The following PDE1C variants were observed in gnomAD, a reference collection of about 807,000 sequenced individuals.
PDE1C encodes phosphodiesterase 1C.
PDE1C carries 62 observed loss-of-function variants against 93.1 expected under a neutral mutation model. That is an observed-to-expected ratio of 0.67 (90% CI 0.54 to 0.82). PDE1C has a LOEUF of 0.82. Among genes scored for constraint, PDE1C ranks in the 40% least tolerant of loss-of-function variants. PDE1C has a pLI of 0.00. For synonymous variants in PDE1C, 325 were observed against 310.1 expected (o/e 1.05, Z -0.50); for missense variants, 742 against 884.6 (o/e 0.84, Z 2.04).
intron 2 of PDE1C, among the ~76,000 whole-genome samples, chr7:31,898,760 T>C (rs1409916496): frequency 6.6e-6 from 1 of 152,220 alleles, no homozygotes. Flanking sequence ...AACGTGAGCG[T>C]GGCTACCTCT....
At chr7:32,248,949 G>A (rs1397178664) in intron 1 of PDE1C, among the ~76,000 whole-genome samples, 1 of 152,136 alleles carries the variant, frequency 6.6e-6, no homozygotes, top group Non-Finnish European at 1.5e-5. Flanking sequence ...GAAGAGAAGT[G>A]TCCATAGTCT....
chr7:32,373,519 T>C (rs1164160477), intron 1 of PDE1C, among the ~76,000 whole-genome samples: 1 of 152,260 alleles, frequency 6.6e-6, no homozygotes, highest in Admixed American at 6.5e-5. Context: ...GATTTCTTTC[T>C]ATCATGACAA....
chr7:31,630,258 A>AC, the PDE1C span, among the ~76,000 whole-genome samples: 1 of 151,608 alleles, frequency 6.6e-6, no homozygotes, highest in Non-Finnish European at 1.5e-5. Flanking sequence ...AAAAAAAAAA[A>AC]AAAACATTGA....
chr7:32,262,040 A>C (rs973241107), intron 1 of PDE1C, among the ~76,000 whole-genome samples: 2 of 130,138 alleles, frequency 1.5e-5, no homozygotes, highest in Non-Finnish European at 3.1e-5. Flanking sequence ...TTAATGTGAC[A>C]TCTAGTGGCT....
chr7:32,178,981 G>C (rs1217451557), intron 2 of PDE1C, among the ~76,000 whole-genome samples: 1 of 152,170 alleles, frequency 6.6e-6, no homozygotes, highest in Non-Finnish European at 1.5e-5. Flanking sequence ...TTCAAAGTAA[G>C]TATTATGGAA....
chr7:32,328,184 T>G (rs1783442172), intron 1 of PDE1C, among the ~76,000 whole-genome samples: 1 of 152,226 alleles, frequency 6.6e-6, no homozygotes, highest in Non-Finnish European at 1.5e-5. Context: ...AGTAGTTCTA[T>G]TGTTCACATC....
chr7:32,285,659 G>C (rs1811948448), intron 1 of PDE1C, among the ~76,000 whole-genome samples: 1 of 151,116 alleles, frequency 6.6e-6, no homozygotes, highest in South Asian at 2.1e-4. Flanking sequence ...GAAAAGAAAG[G>C]GAGAAAAGGA....
intron 2 of PDE1C, among the ~76,000 whole-genome samples, chr7:31,987,945 C>G (rs1011718356): frequency 3.3e-5 from 5 of 152,186 alleles, no homozygotes; most frequent in Admixed American, 3.3e-4. Context: ...TGTGGATGGG[C>G]CATCGCTGGC....
At chr7:32,153,962 A>T (rs554334669) in intron 3 of PDE1C, among the ~76,000 whole-genome samples, 60 of 151,936 alleles carry the variant, frequency 3.9e-4, no homozygotes, top group East Asian at 2.3e-3. Context: ...TATAATTTTT[A>T]AAAAAGTACG....
chr7:32,236,579 A>C (rs1017564332), intron 1 of PDE1C, among the ~76,000 whole-genome samples: 3 of 152,186 alleles, frequency 2.0e-5, no homozygotes, highest in Non-Finnish European at 4.4e-5. Context: ...TATTAAGGAA[A>C]TGCCAATTAA....
intron 1 of PDE1C, among the ~76,000 whole-genome samples, chr7:32,416,186 A>G (rs1785273465): frequency 6.6e-6 from 1 of 152,268 alleles, no homozygotes; most frequent in Admixed American, 6.5e-5. Context: ...CCACGCCAGC[A>G]GGACACATTG....
intron 1 of PDE1C, among the ~76,000 whole-genome samples, chr7:32,278,150 G>A (rs116640120): frequency 0.04 from 5,934 of 149,032 alleles, 453 homozygotes; most frequent in African/African-American, 0.14. Flanking sequence ...ATGCAGGAGA[G>A]AAGGAAGGAT....
intron 1 of PDE1C, among the ~76,000 whole-genome samples, chr7:32,234,711 A>T (rs1219537026): frequency 1.3e-5 from 2 of 152,068 alleles, no homozygotes; most frequent in African/African-American, 2.4e-5. Flanking sequence ...GTTAACACCA[A>T]TTCTACACAA....
chr7:32,213,533 G>C (rs957748358), intron 1 of PDE1C, among the ~76,000 whole-genome samples: 1 of 152,168 alleles, frequency 6.6e-6, no homozygotes, highest in Non-Finnish European at 1.5e-5. Flanking sequence ...TCTGTCCCCA[G>C]TGCACAACTG....
At chr7:31,988,961 C>A (rs1243424750) in intron 2 of PDE1C, among the ~76,000 whole-genome samples, 2 of 132,304 alleles carry the variant, frequency 1.5e-5, no homozygotes, top group African/African-American at 5.8e-5. Context: ...AACCATTGCA[C>A]TCCAGCCTGG....
At chr7:31,910,379 T>G (rs1286366125) in intron 2 of PDE1C, among the ~76,000 whole-genome samples, 4 of 152,190 alleles carry the variant, frequency 2.6e-5, no homozygotes. Context: ...TTAGTACTCC[T>G]GTTCCTCCAA....
chr7:31,964,802 T>A (rs1267779465), intron 2 of PDE1C, among the ~76,000 whole-genome samples: 1 of 152,190 alleles, frequency 6.6e-6, no homozygotes, highest in Non-Finnish European at 1.5e-5. Context: ...AGTTCACCAA[T>A]ATATGCTGTT....
chr7:31,892,852 G>C (rs1292832403), intron 2 of PDE1C, among the ~76,000 whole-genome samples: 1 of 152,106 alleles, frequency 6.6e-6, no homozygotes, highest in Non-Finnish European at 1.5e-5. Flanking sequence ...TGCACAGCAT[G>C]GTGACTATAG....
chr7:31,644,616 C>G, the PDE1C span, among the ~76,000 whole-genome samples: 1 of 152,288 alleles, frequency 6.6e-6, no homozygotes, highest in Non-Finnish European at 1.5e-5. Context: ...AAGGTGGACC[C>G]TATAGTTACT....
Sources: allele counts gnomAD v4.1 joint callset (sites outside exome capture counted in the v4.1 genomes callset), GRCh38; gene constraint gnomAD v4.1.1; transcripts MANE v1.5; gene names NCBI Gene and HGNC (gene_info 2026-07-23, HGNC 2026-07-21).